Variants in ANKS1B observed in about 807,000 individuals in gnomAD.
ANKS1B encodes the protein ankyrin repeat and sterile alpha motif domain containing 1B, also known as ankyrin repeat and sterile alpha motif domain-containing protein 1B.
ANKS1B carries 36 observed loss-of-function variants against 148.3 expected under a neutral mutation model. That is an observed-to-expected ratio of 0.24 (90% CI 0.19 to 0.32). ANKS1B has a LOEUF of 0.32. Ranked by LOEUF, ANKS1B falls within the 10% of genes least tolerant of loss-of-function variation. The pLI is 1.00. For missense variants in ANKS1B, 1,157 were observed against 1,542.6 expected (o/e 0.75, Z 4.19); for synonymous variants, 542 against 560.8 (o/e 0.97, Z 0.47).
chr12:99,832,361 G>A (rs894333366), intron 1 of ANKS1B, among the ~76,000 whole-genome samples: 1 of 152,080 alleles, frequency 6.6e-6, no homozygotes, highest in African/African-American at 2.4e-5. Context: ...GCTGAGGCGG[G>A]CGGATCACCT....
intron 10 of ANKS1B, among the ~76,000 whole-genome samples, chr12:99,500,664 A>C (rs1278484956): frequency 6.6e-6 from 1 of 152,178 alleles, no homozygotes; most frequent in Non-Finnish European, 1.5e-5. Flanking sequence ...GCTCCAGGTA[A>C]GGTTAAGTAC....
chr12:98,840,177 T>A (rs1401070052), intron 17 of ANKS1B, among the ~76,000 whole-genome samples: 1 of 152,162 alleles, frequency 6.6e-6, no homozygotes, highest in African/African-American at 2.4e-5. Flanking sequence ...CTCAAGAGTC[T>A]TCTATTCTTT....
intron 14 of ANKS1B, among the ~76,000 whole-genome samples, chr12:99,171,351 A>G (rs2153836413): frequency 6.6e-6 from 1 of 152,334 alleles, no homozygotes; most frequent in East Asian, 1.9e-4. Flanking sequence ...GCCATTCTGA[A>G]ATTCAAAAAT....
intron 14 of ANKS1B, chr12:99,154,727 G>C: frequency 6.9e-7 from 1 of 1,439,786 alleles, no homozygotes; most frequent in Non-Finnish European, 9.1e-7. Context: ...GCTGGTCTGC[G>C]TTCTATGTGA....
At position 98,751,465 on chromosome 12, in the gene ANKS1B, G is replaced by C; in HGVS notation, c.3637C>G (p.Leu1213Val). ...LGQAFEVAYQLALQARKGGHS... is the reference protein window; with the variant it reads ...LGQAFEVAYQVALQARKGGHS... ...CCCCCTTTTCTTGCTTGTAGTGCTA[G>C]CTGGTAAGCGACTTCGAATGCCTGT... is the stretch of plus-strand genomic sequence containing the variant. The change falls in exon 26 of 27, where the codon CTA becomes GTA. Residue 1213 changes from leucine (L) to valine (V), a missense_variant. By Grantham distance (32) the Leu-to-Val change is conservative. Transcript: ENST00000683438. This position sits in a 1 kb window ranked among gnomAD's most constrained non-coding sequence, Gnocchi z 4.3. 1 of 1,613,992 alleles carries C rather than the reference G, an allele frequency of 6.2e-7. No individual in the cohort carries two copies. Among genetic ancestry groups the C allele is most frequent in the Non-Finnish European group, 8.5e-7 (1 of 1,179,892 alleles).
At chr12:99,004,093 C>T (rs759654112) in intron 17 of ANKS1B, among the ~76,000 whole-genome samples, 12 of 152,254 alleles carry the variant, frequency 7.9e-5, no homozygotes, top group Non-Finnish European at 1.5e-4. Context: ...TATAGGTCCG[C>T]CATTCTGTGC....
At chr12:99,945,975 T>C (rs902254106) in intron 1 of ANKS1B, among the ~76,000 whole-genome samples, 1 of 152,128 alleles carries the variant, frequency 6.6e-6, no homozygotes, top group Non-Finnish European at 1.5e-5. Flanking sequence ...GGAGGTGTTA[T>C]AGACAGGTAC....
chr12:99,699,087 A>G (rs1432934074), intron 8 of ANKS1B, among the ~76,000 whole-genome samples: 1 of 152,140 alleles, frequency 6.6e-6, no homozygotes, highest in Non-Finnish European at 1.5e-5. Context: ...GATTCATTCA[A>G]TGACACAGGC....
At chr12:99,348,946 C>T (rs984277072) in intron 12 of ANKS1B, among the ~76,000 whole-genome samples, 1 of 151,818 alleles carries the variant, frequency 6.6e-6, no homozygotes, top group African/African-American at 2.4e-5. Flanking sequence ...TTTCCTATGT[C>T]ATTTAGAAGA....
intron 9 of ANKS1B, chr12:99,647,825 G>A (rs2098386200): frequency 3.8e-6 from 1 of 265,174 alleles, no homozygotes; most frequent in South Asian, 7.6e-5. Context: ...AAAGAGCAAA[G>A]GCTGTTGTGA....
Position 98,745,395 on chromosome 12 carries a change from T to TTTTTTTTTTTTC in ANKS1B, c.*343_*344insGAAAAAAAAAAA. On this transcript the variant is annotated 3_prime_UTR_variant, in exon 27 of 27. Coordinates refer to ENST00000683438, the MANE Select transcript of ANKS1B (RefSeq NM_001352186.2). ...CTTTACTTTTTTTTTTTTTTTTTTTTTTTTAAAGAAAAGGTATTATTTTCC... is the reference window on the plus strand; with the variant it reads ...CTTTACTTTTTTTTTTTTTTTTTTTTTTTTTTTTTTTCTTTTAAAGAAAAGGTATTATTTTCC... The TTTTTTTTTTTTC allele has an allele frequency of 1.0e-6, 1 of 986,454 alleles. No individual in the cohort carries two copies. The allele number at this position is 986,454 out of a possible 1,614,324, so 61.1% of individuals were successfully genotyped here.
Position 99,966,542 on chromosome 12 carries a change from G to A in ANKS1B, c.134+17562C>T, listed in dbSNP as rs200798846. On this transcript the variant is annotated intron_variant, in intron 1 of 26. Transcript: ENST00000683438. ...AATGCTGACACCAGACTGCTCAAACGAAAAAGCTAAATTTGTGAGTTTTTA... is the reference window on the plus strand; with the variant it reads ...AATGCTGACACCAGACTGCTCAAACAAAAAAGCTAAATTTGTGAGTTTTTA... Among the ~76,000 whole-genome samples the A allele has an allele frequency of 5.9e-5, 9 of 152,168 alleles. No homozygotes were observed. In the East Asian group the frequency reaches 1.2e-3, roughly 20 times the overall value.
At chr12:99,205,681 G>T (rs2082584634) in intron 14 of ANKS1B, among the ~76,000 whole-genome samples, 1 of 152,200 alleles carries the variant, frequency 6.6e-6, no homozygotes, top group Non-Finnish European at 1.5e-5. Context: ...CTGTAAGAGA[G>T]CATTTGACCT....
At chr12:98,841,826 T>C (rs549225116) in intron 17 of ANKS1B, among the ~76,000 whole-genome samples, 2 of 150,890 alleles carry the variant, frequency 1.3e-5, no homozygotes, top group South Asian at 4.3e-4. Context: ...CCCCCACCAC[T>C]ATCCCCTTCC....
chr12:99,932,226 A>C (rs1474850071), intron 1 of ANKS1B, among the ~76,000 whole-genome samples: 1 of 152,156 alleles, frequency 6.6e-6, no homozygotes, highest in Non-Finnish European at 1.5e-5. Context: ...TGCTGCAATA[A>C]ACATGGGGGT....
At chr12:98,997,505 G>T (rs142046454) in intron 17 of ANKS1B, among the ~76,000 whole-genome samples, 1 of 151,310 alleles carries the variant, frequency 6.6e-6, no homozygotes, top group South Asian at 2.1e-4. Flanking sequence ...GGGTTCAAGC[G>T]GTTCTCCTGC....
intron 12 of ANKS1B, among the ~76,000 whole-genome samples, chr12:99,293,189 A>C (rs1030219224): frequency 6.6e-6 from 1 of 152,336 alleles, no homozygotes; most frequent in African/African-American, 2.4e-5. Context: ...GGGTGAGTTC[A>C]TGTCCTTTGC....
At chr12:99,717,899 C>CT (rs943618905) in intron 8 of ANKS1B, among the ~76,000 whole-genome samples, 2,980 of 111,056 alleles carry the variant, frequency 0.027, 149 homozygotes, top group Non-Finnish European at 0.035. Context: ...AGACAATACT[C>CT]TTTTTTTTTT....
chr12:99,833,175 C>T (rs2084302850), intron 1 of ANKS1B, among the ~76,000 whole-genome samples: 1 of 152,078 alleles, frequency 6.6e-6, no homozygotes, highest in African/African-American at 2.4e-5. Flanking sequence ...CAATAAACTA[C>T]AAAGGAAGAA....
Sources: allele counts gnomAD v4.1 joint callset (sites outside exome capture counted in the v4.1 genomes callset), GRCh38; gene constraint gnomAD v4.1.1; non-coding constraint Gnocchi (gnomAD v3.1); transcripts MANE v1.5; gene names NCBI Gene and HGNC (gene_info 2026-07-23, HGNC 2026-07-21).